TRHDE: variants seen among roughly 807,000 people sequenced by gnomAD.
TRHDE encodes the protein thyrotropin-releasing hormone-degrading ectoenzyme.
TRHDE carries 72 observed loss-of-function variants against 125.7 expected under a neutral mutation model. That is an observed-to-expected ratio of 0.57 (90% CI 0.47 to 0.70). The LOEUF is 0.70. TRHDE is among the 30% of genes least tolerant of loss of function. TRHDE has a pLI of 0.00. For synonymous variants in TRHDE, 509 were observed against 509.1 expected, an observed-to-expected ratio of 1.00 and a Z score of 0.00; for missense variants, 1,110 against 1,327.1, an observed-to-expected ratio of 0.84 and a Z score of 2.54.
chr12:72,416,803 G>A (rs150113407), intron 3 of TRHDE, among the ~76,000 whole-genome samples: 124 of 152,190 alleles, frequency 8.1e-4, no homozygotes, highest in African/African-American at 2.9e-3. Context: ...TTGAAGTTAG[G>A]TAATGTGATG....
chr12:72,250,772 G>A (rs1405186077), intron 2 of TRHDE, among the ~76,000 whole-genome samples: 1 of 148,556 alleles, frequency 6.7e-6, no homozygotes, highest in Admixed American at 6.8e-5. Flanking sequence ...AAAGCTAATA[G>A]TGTATACTGC....
At chr12:72,489,909 A>G (rs951717002) in intron 5 of TRHDE, among the ~76,000 whole-genome samples, 2 of 151,942 alleles carry the variant, frequency 1.3e-5, no homozygotes, top group Admixed American at 1.3e-4. Context: ...ACATAGGGGA[A>G]AAACTCTTGG....
At chr12:72,616,191 G>T (rs1565811244) in intron 12 of TRHDE, among the ~76,000 whole-genome samples, 1 of 152,002 alleles carries the variant, frequency 6.6e-6, no homozygotes. Flanking sequence ...TATCAGGTTT[G>T]CTTTGCTTTT....
intron 7 of TRHDE, among the ~76,000 whole-genome samples, chr12:72,558,055 G>C (rs1870005084): frequency 1.3e-5 from 2 of 151,934 alleles, no homozygotes; most frequent in African/African-American, 2.4e-5. Flanking sequence ...GAGAGAGAGA[G>C]AGAGAGAAAG....
At chr12:72,650,124 A>C (rs1055386894) in intron 15 of TRHDE, among the ~76,000 whole-genome samples, 4 of 152,126 alleles carry the variant, frequency 2.6e-5, no homozygotes, top group Non-Finnish European at 5.9e-5. Context: ...ATGTGGAAAC[A>C]ATCTAAATGT....
chr12:72,166,018 T>C (rs1248200154), intron 2 of TRHDE, among the ~76,000 whole-genome samples: 1 of 152,056 alleles, frequency 6.6e-6, no homozygotes. Flanking sequence ...GTGAACATCA[T>C]AGAGTGCACT....
chr12:72,348,458 C>G (rs1214828544), intron 2 of TRHDE, among the ~76,000 whole-genome samples: 1 of 151,660 alleles, frequency 6.6e-6, no homozygotes, highest in Non-Finnish European at 1.5e-5. Context: ...GAGCAACTCT[C>G]TAATTGATTC....
chr12:72,248,015 ATGTATGTGTGTATG>A (rs1878606327), intron 2 of TRHDE, among the ~76,000 whole-genome samples: 2 of 152,106 alleles, frequency 1.3e-5, no homozygotes, highest in South Asian at 4.1e-4. Context: ...GTATGTATGC[ATGTATGTGTGTATG>A]TGTATGTGTG....
At chr12:72,601,454 A>G (rs543119324) in intron 12 of TRHDE, among the ~76,000 whole-genome samples, 3 of 152,276 alleles carry the variant, frequency 2.0e-5, no homozygotes, top group African/African-American at 4.8e-5. Context: ...CTTACTTGCT[A>G]TTACATAAAA....
At chr12:72,209,351 A>G (rs775358345) in intron 2 of TRHDE, among the ~76,000 whole-genome samples, 22 of 152,144 alleles carry the variant, frequency 1.4e-4, no homozygotes, top group Non-Finnish European at 2.5e-4. Context: ...GAATCAATGT[A>G]ATGGGAGATG....
At chr12:72,575,216 C>T (rs1161350419) in intron 10 of TRHDE, 39 bp from the exon 11 acceptor site, 1 of 1,601,912 alleles carries the variant, frequency 6.2e-7, no homozygotes, top group South Asian at 1.1e-5. Context: ...CATTTTAACT[C>T]TTAAAGTTTG....
chr12:72,562,170 T>A lies in TRHDE; in HGVS notation c.1794T>A (p.Tyr598Ter). 1 of 1,495,336 alleles carries A rather than the reference T, an allele frequency of 6.7e-7. No homozygotes were observed. The highest frequency in any genetic ancestry group is 9.3e-7 in the Non-Finnish European group (1 of 1,078,444). The allele number at this position is 1,495,336 out of a possible 1,614,324, so 92.6% of individuals were successfully genotyped here. ...ACAATTTTATATTCTTGTAGGATTA[T>A]TTAACCATTCATAAGTATGGTAATG... ...HSVFQRGLQD[Y>*]LTIHKYGNAA... Residue 598 changes from tyrosine to a stop codon, truncating the protein, a stop_gained, in exon 8 of 19, where the codon TAT becomes TAA. Transcript: ENST00000261180. LOFTEE classifies it high-confidence loss of function.
chr12:72,378,906 A>C (rs1489623868), intron 3 of TRHDE, among the ~76,000 whole-genome samples: 1 of 152,190 alleles, frequency 6.6e-6, no homozygotes, highest in Non-Finnish European at 1.5e-5. Flanking sequence ...CAGGAAGTTA[A>C]AAGAGTACCT....
chr12:72,366,143 G>T (rs1414753324), intron 2 of TRHDE, among the ~76,000 whole-genome samples: 1 of 152,088 alleles, frequency 6.6e-6, no homozygotes, highest in Non-Finnish European at 1.5e-5. Context: ...ATAATCTCCA[G>T]TAATCTAGTA....
At chr12:72,343,658 A>G (rs114780591) in intron 2 of TRHDE, among the ~76,000 whole-genome samples, 2,451 of 152,228 alleles carry the variant, frequency 0.016, 67 homozygotes, top group African/African-American at 0.056. Context: ...TAAATCATTC[A>G]TAACTGATGA....
At chr12:72,210,242 T>A (rs1877751990) in intron 2 of TRHDE, among the ~76,000 whole-genome samples, 1 of 151,652 alleles carries the variant, frequency 6.6e-6, no homozygotes, top group Non-Finnish European at 1.5e-5. Context: ...ATCTTTTGGG[T>A]GTGTGTACCT....
chr12:72,223,905 C>A (rs1400639042), intron 2 of TRHDE, among the ~76,000 whole-genome samples: 1 of 151,852 alleles, frequency 6.6e-6, no homozygotes, highest in East Asian at 1.9e-4. Flanking sequence ...AGAAAGGGAA[C>A]AGAACCTATC....
chr12:72,116,837 C>G (rs887857658), intron 2 of TRHDE, among the ~76,000 whole-genome samples: 2 of 151,962 alleles, frequency 1.3e-5, no homozygotes, highest in Non-Finnish European at 2.9e-5. Flanking sequence ...TTTAGTTTAC[C>G]TAGATCCCAT....
In TRHDE at chr12:72,547,238, C is replaced by T. The variant is rs771901233; in HGVS notation, c.1788+4882C>T. 1.1e-4 allele frequency among the ~76,000 whole-genome samples: 16 copies of T among 151,088 alleles called. 1 individual carries two copies. Among genetic ancestry groups the T allele is most frequent in the Non-Finnish European group, 1.9e-4 (13 of 67,720 alleles). On this transcript the variant is annotated intron_variant, in intron 7 of 18. Coordinates refer to ENST00000261180, the MANE Select transcript of TRHDE (RefSeq NM_013381.3). ...AATATTGTATTAAGACCATATGATA[C>T]TTCTCTAGCTAGAGCAGAGAATGTT...
Sources: allele counts gnomAD v4.1 joint callset (sites outside exome capture counted in the v4.1 genomes callset), GRCh38; gene constraint gnomAD v4.1.1; transcripts MANE v1.5; gene names NCBI Gene and HGNC (gene_info 2026-07-23, HGNC 2026-07-21).